ST6GALNAC3: variants seen among roughly 807,000 people sequenced by gnomAD.
ST6GALNAC3 encodes the protein ST6 N-acetylgalactosaminide alpha-2,6-sialyltransferase 3.
A neutral mutation model predicts 32.7 loss-of-function variants in ST6GALNAC3; 25 were observed. The observed-to-expected ratio is 0.76, with a 90% CI of 0.56 to 1.07. The LOEUF (loss-of-function observed/expected upper bound fraction) is 1.07, where lower values mean the gene tolerates loss of function less well. Among genes scored for constraint, ST6GALNAC3 ranks in the 50% least tolerant of loss-of-function variants. The pLI, the probability that ST6GALNAC3 is intolerant of heterozygous loss-of-function variation, is 0.00. For synonymous variants in ST6GALNAC3, 129 were observed against 133.1 expected (o/e 0.97, Z 0.21); for missense variants, 355 against 382.4 (o/e 0.93, Z 0.60).
chr1:76,157,270 A>T (rs1233035958), intron 1 of ST6GALNAC3, among the ~76,000 whole-genome samples: 1 of 152,208 alleles, frequency 6.6e-6, no homozygotes, highest in African/African-American at 2.4e-5. Flanking sequence ...AAGCTGTTAC[A>T]TGTCTCCAGC....
At chr1:76,309,007 G>T (rs4949704) in intron 1 of ST6GALNAC3, among the ~76,000 whole-genome samples, 150,890 of 152,286 alleles carry the variant, frequency 0.99, 74,765 homozygotes, top group Middle Eastern at 1. Context: ...AAACTGTTAA[G>T]CCCTCTGCCT....
At chr1:76,401,111 C>T (rs1653379827) in intron 2 of ST6GALNAC3, among the ~76,000 whole-genome samples, 1 of 152,062 alleles carries the variant, frequency 6.6e-6, no homozygotes, top group African/African-American at 2.4e-5. Flanking sequence ...GAAAAATTTT[C>T]ACTGACTTGC....
chr1:76,139,986 T>C (rs748531400), intron 1 of ST6GALNAC3, among the ~76,000 whole-genome samples: 9 of 152,228 alleles, frequency 5.9e-5, no homozygotes, highest in Non-Finnish European at 1.3e-4. Context: ...CAGAATCTCT[T>C]TACTTCCTCA....
chr1:76,629,401 T>C lies in ST6GALNAC3; in HGVS notation c.*595T>C. ...GCCATTGCCTAATTAACAATGAAGA[T>C]TTCATGGACATCCTACACTTCAGGA... On this transcript the variant is annotated 3_prime_UTR_variant, in exon 5 of 5. Coordinates refer to ENST00000328299, the MANE Select transcript of ST6GALNAC3 (RefSeq NM_152996.4). The C allele has an allele frequency of 3.0e-6, 3 of 985,574 alleles. No homozygotes were observed. The highest frequency in any genetic ancestry group is 3.6e-6 in the Non-Finnish European group (3 of 829,824). 61.1% of individuals were successfully genotyped at this position (985,574 alleles called of 1,614,324 possible).
In ST6GALNAC3 at chr1:76,423,523, A is replaced by T. The variant is rs1306880519; in HGVS notation, c.623+11106A>T. On this transcript the variant is annotated intron_variant, in intron 3 of 4. Transcript: ENST00000328299. ...TTATTAAGCTCTACTGGCAAAATGG[A>T]TAGGCAACCCTTTACAGAAACATGG... is the stretch of plus-strand genomic sequence containing the variant. 1.3e-5 allele frequency among the ~76,000 whole-genome samples: 2 copies of T among 152,038 alleles called. 1 individual carries two copies. The highest frequency in any genetic ancestry group is 2.9e-5 in the Non-Finnish European group (2 of 67,962).
intron 2 of ST6GALNAC3, among the ~76,000 whole-genome samples, chr1:76,347,050 C>G (rs920601760): frequency 2.0e-5 from 3 of 150,024 alleles, no homozygotes; most frequent in African/African-American, 4.9e-5. Context: ...CACTGTCATG[C>G]CACAGCATTG....
intron 1 of ST6GALNAC3, among the ~76,000 whole-genome samples, chr1:76,101,276 A>T (rs1647218916): frequency 6.6e-6 from 1 of 152,146 alleles, no homozygotes; most frequent in African/African-American, 2.4e-5. Context: ...GCCTTTTCAC[A>T]TTGGCTTCTT....
At chr1:76,396,646 G>T (rs1244247008) in intron 2 of ST6GALNAC3, among the ~76,000 whole-genome samples, 3 of 152,120 alleles carry the variant, frequency 2.0e-5, no homozygotes, top group Non-Finnish European at 4.4e-5. Flanking sequence ...TTAGGTCTTT[G>T]AAACTAAATT....
intron 3 of ST6GALNAC3, among the ~76,000 whole-genome samples, chr1:76,463,303 C>CTGATATAGG (rs1658408834): frequency 1.3e-5 from 2 of 152,276 alleles, no homozygotes; most frequent in South Asian, 2.1e-4. Flanking sequence ...CAGTCAGTGG[C>CTGATATAGG]ATTCATGTAG....
At chr1:76,152,943 C>T (rs1030026777) in intron 1 of ST6GALNAC3, among the ~76,000 whole-genome samples, 4 of 152,108 alleles carry the variant, frequency 2.6e-5, no homozygotes, top group Non-Finnish European at 1.5e-5. Flanking sequence ...CATTCATAAA[C>T]CTTTAGGGAT....
intron 1 of ST6GALNAC3, among the ~76,000 whole-genome samples, chr1:76,169,940 G>C (rs966778755): frequency 1.3e-5 from 2 of 152,064 alleles, no homozygotes; most frequent in Non-Finnish European, 2.9e-5. Context: ...GAATTTTCAG[G>C]GTTCTTGCAC....
chr1:76,425,610 C>T (rs1655325242), intron 3 of ST6GALNAC3, among the ~76,000 whole-genome samples: 1 of 151,946 alleles, frequency 6.6e-6, no homozygotes, highest in African/African-American at 2.4e-5. Flanking sequence ...CATTCATTGG[C>T]AAGTTCTTTG....
intron 2 of ST6GALNAC3, among the ~76,000 whole-genome samples, chr1:76,342,599 T>C (rs558802845): frequency 6.6e-6 from 1 of 152,238 alleles, no homozygotes; most frequent in African/African-American, 2.4e-5. Context: ...AGATTCTGGA[T>C]ATTAGCCCTT....
intron 1 of ST6GALNAC3, among the ~76,000 whole-genome samples, chr1:76,267,525 A>G (rs985872121): frequency 1.3e-5 from 2 of 152,228 alleles, no homozygotes; most frequent in African/African-American, 2.4e-5. Context: ...TCTGAAAATG[A>G]AATACAGATT....
At chr1:76,512,021 A>C (rs1211308915) in intron 3 of ST6GALNAC3, among the ~76,000 whole-genome samples, 2 of 152,150 alleles carry the variant, frequency 1.3e-5, no homozygotes, top group Admixed American at 6.5e-5. Context: ...AGAAATATTT[A>C]TCTCTCCTCA....
At chr1:76,342,914 G>C (rs1034586399) in intron 2 of ST6GALNAC3, among the ~76,000 whole-genome samples, 1 of 151,350 alleles carries the variant, frequency 6.6e-6, no homozygotes, top group Non-Finnish European at 1.5e-5. Context: ...ACTTTTTAAT[G>C]GGGTTATTTG....
chr1:76,316,889 A>T (rs2100907598), intron 2 of ST6GALNAC3, among the ~76,000 whole-genome samples: 1 of 152,294 alleles, frequency 6.6e-6, no homozygotes, highest in East Asian at 1.9e-4. Flanking sequence ...CAGCAGCAGG[A>T]AATAACTAAA....
chr1:76,312,267 C>G (rs1289199205), intron 1 of ST6GALNAC3, among the ~76,000 whole-genome samples: 1 of 151,976 alleles, frequency 6.6e-6, no homozygotes, highest in East Asian at 1.9e-4. Context: ...ATACCTTATA[C>G]AAAAATTAAG....
chr1:76,101,348 T>C lies in ST6GALNAC3; in HGVS notation c.18+26464T>C, dbSNP rs374363503. ...TTTTCACAGCTTGATAGCTCATTTGTTTTTAGCACTGAACAATATTTCATT... is the reference window on the plus strand; with the variant it reads ...TTTTCACAGCTTGATAGCTCATTTGCTTTTAGCACTGAACAATATTTCATT... On this transcript the variant is annotated intron_variant, in intron 1 of 4. Transcript: ENST00000328299. 1.1e-4 allele frequency among the ~76,000 whole-genome samples: 17 copies of C among 152,292 alleles called. No homozygotes were observed. The South Asian group carries it at 3.3e-3, about 30-fold the overall frequency.
Sources: allele counts gnomAD v4.1 joint callset (sites outside exome capture counted in the v4.1 genomes callset), GRCh38; gene constraint gnomAD v4.1.1; transcripts MANE v1.5; gene names NCBI Gene and HGNC (gene_info 2026-07-23, HGNC 2026-07-21).